Variants in TCF12 observed in about 807,000 individuals in gnomAD.
TCF12 encodes the protein DNA-binding protein HTF4.
In TCF12, 45 loss-of-function variants were observed where a neutral mutation model predicts 86.0. The ratio of observed to expected loss-of-function variants is 0.52; its 90% CI spans 0.41 to 0.67. The LOEUF (loss-of-function observed/expected upper bound fraction) is 0.67, where lower values mean the gene tolerates loss of function less well. TCF12 is among the 30% of genes least tolerant of loss of function. The pLI, the probability that TCF12 is intolerant of heterozygous loss-of-function variation, is 0.00. For synonymous variants in TCF12, 330 were observed against 299.6 expected, an observed-to-expected ratio of 1.10 and a Z score of -1.05; for missense variants, 881 against 859.9, an observed-to-expected ratio of 1.02 and a Z score of -0.31.
intron 3 of TCF12, among the ~76,000 whole-genome samples, chr15:56,954,761 T>A (rs1355846245): frequency 3.3e-5 from 5 of 152,292 alleles, no homozygotes; most frequent in South Asian, 4.1e-4. Flanking sequence ...TGGCAAAGGA[T>A]GTGAACAGAC....
intron 3 of TCF12, among the ~76,000 whole-genome samples, chr15:56,940,580 C>T (rs1446574689): frequency 2.1e-5 from 3 of 145,496 alleles, no homozygotes; most frequent in African/African-American, 7.8e-5. Flanking sequence ...TTCTTCTTCT[C>T]CTTCTCCTCC....
intron 16 of TCF12, among the ~76,000 whole-genome samples, chr15:57,257,653 C>A (rs2060405071): frequency 1.3e-5 from 1 of 75,450 alleles, no homozygotes; most frequent in African/African-American, 5.3e-5. Flanking sequence ...AGAGTGAGAC[C>A]CTGTCTCTTA....
intron 12 of TCF12, among the ~76,000 whole-genome samples, chr15:57,240,879 CA>C (rs68154303): frequency 0.25 from 16,366 of 65,010 alleles, 1,373 homozygotes; most frequent in African/African-American, 0.44. Context: ...GACCCTGTCT[CA>C]AAAAAAAAAA....
intron 3 of TCF12, among the ~76,000 whole-genome samples, chr15:56,946,731 G>A (rs1325703563): frequency 6.8e-6 from 1 of 147,120 alleles, no homozygotes; most frequent in Non-Finnish European, 1.5e-5. Flanking sequence ...AGGAAATTAA[G>A]TTATTAGGGA....
Position 57,261,767 on chromosome 15 carries a change from A to ATAGGATTATTAATAGACCCTG in TCF12, c.1468-325_1468-324insGGATTATTAATAGACCCTGTA, listed in dbSNP as rs1476914272. Among the ~76,000 whole-genome samples, 7 of 12,480 alleles carry ATAGGATTATTAATAGACCCTG rather than the reference A, an allele frequency of 5.6e-4. No individual in the cohort carries two copies. The East Asian group carries it at 0.017, about 30-fold the overall frequency. 8.2% of individuals were successfully genotyped at this position (12,480 alleles called of 152,430 possible). A position where few individuals can be genotyped will look rare whatever the true frequency, so the allele number is the denominator to read the frequency against. On this transcript the variant is annotated intron_variant, in intron 16 of 20. Transcript: ENST00000333725. ...ATGAAATAGATTTTCAGATTGATTTATAATACGTAGTGCGTTGTGGCTTAT... is the reference window on the plus strand; with the variant it reads ...ATGAAATAGATTTTCAGATTGATTTATAGGATTATTAATAGACCCTGTAATACGTAGTGCGTTGTGGCTTAT...
intron 2 of TCF12, among the ~76,000 whole-genome samples, chr15:56,920,293 C>T (rs964606967): frequency 1.8e-4 from 28 of 151,998 alleles, no homozygotes; most frequent in African/African-American, 6.8e-4. Flanking sequence ...ACCCTCCCAC[C>T]GCGATGATTA....
intron 3 of TCF12, among the ~76,000 whole-genome samples, chr15:56,975,637 T>TTTTG (rs140692439): frequency 0.25 from 37,682 of 151,632 alleles, 5,392 homozygotes; most frequent in East Asian, 0.4. Flanking sequence ...TAGGGGTTTT[T>TTTTG]TTTGTTTGTT....
intron 5 of TCF12, among the ~76,000 whole-genome samples, chr15:57,112,146 C>T (rs1346910978): frequency 1.3e-5 from 2 of 152,158 alleles, no homozygotes; most frequent in Non-Finnish European, 2.9e-5. Flanking sequence ...ACTTTTTAGT[C>T]CAGAAACATG....
chr15:56,924,938 C>A (rs1400709383), intron 3 of TCF12, among the ~76,000 whole-genome samples: 1 of 152,136 alleles, frequency 6.6e-6, no homozygotes, highest in Non-Finnish European at 1.5e-5. Context: ...GTGGCTCATG[C>A]CTGTAATCCC....
At chr15:57,224,213 C>G (rs1242566698) in intron 8 of TCF12, among the ~76,000 whole-genome samples, 1 of 151,856 alleles carries the variant, frequency 6.6e-6, no homozygotes, top group Non-Finnish European at 1.5e-5. Flanking sequence ...GGATCAGGTG[C>G]AATATTGTTG....
intron 3 of TCF12, among the ~76,000 whole-genome samples, chr15:57,024,211 A>C (rs1433353285): frequency 7.3e-6 from 1 of 136,074 alleles, no homozygotes; most frequent in East Asian, 2.2e-4. Flanking sequence ...TACTCAAAAA[A>C]GTGTCTTTTT....
chr15:57,028,059 G>T (rs1004951547), intron 3 of TCF12, among the ~76,000 whole-genome samples: 2 of 151,994 alleles, frequency 1.3e-5, no homozygotes, highest in Non-Finnish European at 2.9e-5. Flanking sequence ...TGTCTCCTGG[G>T]TTCAAGTTAT....
At chr15:57,081,123 C>G (rs2070612040) in intron 4 of TCF12, among the ~76,000 whole-genome samples, 1 of 152,222 alleles carries the variant, frequency 6.6e-6, no homozygotes. Flanking sequence ...ATTTGCCAAA[C>G]TGGGTAGTTA....
intron 3 of TCF12, among the ~76,000 whole-genome samples, chr15:57,008,204 A>G (rs552216633): frequency 6.6e-6 from 1 of 151,130 alleles, no homozygotes; most frequent in Non-Finnish European, 1.5e-5. Flanking sequence ...CTGGCATCAA[A>G]CATCAAACAT....
intron 3 of TCF12, among the ~76,000 whole-genome samples, chr15:57,016,270 T>C (rs1336101423): frequency 2.0e-5 from 3 of 152,232 alleles, no homozygotes; most frequent in Non-Finnish European, 4.4e-5. Context: ...CTGGGACTTC[T>C]TCATGGGCCA....
chr15:57,233,931 A>C, intron 11 of TCF12, 112 bp from the exon 12 acceptor site: 1 of 802,312 alleles, frequency 1.2e-6, no homozygotes, highest in African/African-American at 1.7e-5. Context: ...TTCCTAGTTT[A>C]CTGTAACAGA....
chr15:56,999,911 AAG>A (rs1258363336), intron 3 of TCF12, among the ~76,000 whole-genome samples: 2 of 152,086 alleles, frequency 1.3e-5, no homozygotes, highest in African/African-American at 4.8e-5. Context: ...TTAATAAAAA[AAG>A]AAATATTAAA....
Position 57,241,650 on chromosome 15 carries a change from A to G in TCF12, c.1036-1822A>G, listed in dbSNP as rs546482320. Among the ~76,000 whole-genome samples the G allele has an allele frequency of 5.9e-5, 9 of 152,274 alleles. No individual in the cohort carries two copies. In the South Asian group the frequency reaches 1.9e-3, roughly 32 times the overall value. On this transcript the variant is annotated intron_variant, in intron 12 of 20. Coordinates refer to ENST00000333725, the MANE Select transcript of TCF12 (RefSeq NM_207037.2). ...GCATATATCCATTTGTAGTCAAAGGAAGGTAGACTTTGGGCTGCTTACAAT... is the reference window on the plus strand; with the variant it reads ...GCATATATCCATTTGTAGTCAAAGGGAGGTAGACTTTGGGCTGCTTACAAT...
intron 5 of TCF12, among the ~76,000 whole-genome samples, chr15:57,139,497 T>G (rs550861103): frequency 1.3e-5 from 2 of 152,126 alleles, no homozygotes; most frequent in Non-Finnish European, 2.9e-5. Context: ...AGGCAAACTT[T>G]AGTGAATCTT....
Sources: gnomAD v4.1 joint callset for allele counts (sites outside exome capture counted in the v4.1 genomes callset) on GRCh38, gnomAD v4.1.1 for gene constraint, MANE v1.5 for transcripts, NCBI Gene and HGNC (gene_info 2026-07-23, HGNC 2026-07-21) for gene names.